Variants in RALGPS1 observed in about 807,000 individuals in gnomAD.
RALGPS1 encodes ras-specific guanine nucleotide-releasing factor RalGPS1.
RALGPS1 carries 19 observed loss-of-function variants against 78.8 expected under a neutral mutation model. That is an observed-to-expected ratio of 0.24 (90% CI 0.17 to 0.35). The LOEUF is 0.35. Among genes scored for constraint, RALGPS1 ranks in the 10% least tolerant of loss-of-function variants. RALGPS1 has a pLI of 1.00. For synonymous variants in RALGPS1, 228 were observed against 256.3 expected, an observed-to-expected ratio of 0.89 and a Z score of 1.06; for missense variants, 454 against 688.3, an observed-to-expected ratio of 0.66 and a Z score of 3.81.
chr9:127,010,610 A>G (rs534188925), intron 4 of RALGPS1, among the ~76,000 whole-genome samples: 3 of 152,270 alleles, frequency 2.0e-5, no homozygotes, highest in African/African-American at 7.2e-5. Flanking sequence ...TGAGAGCCCT[A>G]TCTGCTTTGA....
intron 1 of RALGPS1, among the ~76,000 whole-genome samples, chr9:126,956,354 C>G (rs1040354167): frequency 6.6e-6 from 1 of 152,170 alleles, no homozygotes; most frequent in African/African-American, 2.4e-5. Context: ...GGGGGTTTCT[C>G]TGAGCCTTGA....
intron 3 of RALGPS1, among the ~76,000 whole-genome samples, chr9:126,972,432 GAAAAGAAAT>G (rs1400933303): frequency 6.6e-6 from 1 of 152,154 alleles, no homozygotes; most frequent in African/African-American, 2.4e-5. Flanking sequence ...TTAAGAAAAG[GAAAAGAAAT>G]GAAAGAATTG....
chr9:127,210,293 G>T (rs1334837794), intron 14 of RALGPS1, among the ~76,000 whole-genome samples: 1 of 152,358 alleles, frequency 6.6e-6, no homozygotes, highest in East Asian at 1.9e-4. Flanking sequence ...AACATGCAAG[G>T]TTGCCCACAA....
intron 1 of RALGPS1, among the ~76,000 whole-genome samples, chr9:126,943,792 CCTT>C (rs1226347408): frequency 6.6e-6 from 1 of 152,208 alleles, no homozygotes; most frequent in Non-Finnish European, 1.5e-5. Context: ...TAGACAGCTT[CCTT>C]CTTGTTTTAA....
At chr9:127,133,738 C>CT (rs2057183264) in intron 8 of RALGPS1, among the ~76,000 whole-genome samples, 1 of 152,200 alleles carries the variant, frequency 6.6e-6, no homozygotes, top group Non-Finnish European at 1.5e-5. Context: ...CTCCTGGTTT[C>CT]TATGTGTGCA....
chr9:126,965,019 C>G (rs1564322125), intron 2 of RALGPS1, among the ~76,000 whole-genome samples: 1 of 152,142 alleles, frequency 6.6e-6, no homozygotes, highest in Non-Finnish European at 1.5e-5. Flanking sequence ...CTTGATTGAG[C>G]TTGATGAAGT....
chr9:127,216,974 G>C, intron 18 of RALGPS1: 2 of 1,544,616 alleles, frequency 1.3e-6, no homozygotes, highest in Non-Finnish European at 1.7e-6. Flanking sequence ...AGGGCGGTGC[G>C]GGGAAGGAGG....
At chr9:126,999,158 A>G (rs1356511041) in intron 4 of RALGPS1, among the ~76,000 whole-genome samples, 1 of 148,182 alleles carries the variant, frequency 6.7e-6, no homozygotes, top group African/African-American at 2.7e-5. Context: ...CCTAAAACTT[A>G]AAGTATAATA....
intron 8 of RALGPS1, chr9:127,088,614 T>C (rs2136312077): frequency 2.6e-6 from 1 of 381,984 alleles, no homozygotes; most frequent in Non-Finnish European, 4.8e-6. Context: ...CAAGGGAGGC[T>C]CATACACATG....
intron 3 of RALGPS1, among the ~76,000 whole-genome samples, chr9:126,977,236 GAA>G (rs2040752219): frequency 6.6e-6 from 1 of 152,116 alleles, no homozygotes; most frequent in Non-Finnish European, 1.5e-5. Context: ...GACTTCAGAA[GAA>G]AAATATAATT....
chr9:126,939,567 A>G (rs1874778), intron 1 of RALGPS1, among the ~76,000 whole-genome samples: 26,484 of 152,262 alleles, frequency 0.17, 3,042 homozygotes, highest in East Asian at 0.44. Flanking sequence ...CCACAGCCAC[A>G]TGAGATGGGT....
chr9:127,063,530 A>T (rs2049398004), intron 7 of RALGPS1, among the ~76,000 whole-genome samples: 1 of 152,094 alleles, frequency 6.6e-6, no homozygotes, highest in Admixed American at 6.5e-5. Context: ...TTGATATTTT[A>T]TAAAAATTAG....
Position 127,025,002 on chromosome 9 carries a change from T to C in RALGPS1, c.217-9429T>C, listed in dbSNP as rs984519281. 5.9e-5 allele frequency among the ~76,000 whole-genome samples: 9 copies of C among 152,368 alleles called. 1 individual carries two copies. The South Asian group carries it at 1.4e-3, about 25-fold the overall frequency. Reference sequence around the variant, plus strand: ...TGATTGTGAAGAATGAGTGTTCTCATGTGGAGACCTTGTCTGTCAACCCCA... The same window carrying C: ...TGATTGTGAAGAATGAGTGTTCTCACGTGGAGACCTTGTCTGTCAACCCCA... On this transcript the variant is annotated intron_variant, in intron 4 of 18. Transcript: ENST00000259351.
chr9:126,977,809 C>G, intron 4 of RALGPS1, 64 bp downstream of exon 4: 1 of 1,228,626 alleles, frequency 8.1e-7, no homozygotes, highest in Non-Finnish European at 1.2e-6. Context: ...ATTTAGCCAG[C>G]CACTGTTAGA....
chr9:126,943,718 C>T lies in RALGPS1; in HGVS notation c.-65-18507C>T, dbSNP rs190196526. Reference sequence around the variant, plus strand: ...TTTACTCCTGAAGTCTTTCTCCTACCGCTGCCTGGACTGCTTTCACTGCCC... The same window carrying T: ...TTTACTCCTGAAGTCTTTCTCCTACTGCTGCCTGGACTGCTTTCACTGCCC... On this transcript the variant is annotated intron_variant, in intron 1 of 18. Coordinates refer to ENST00000259351, the MANE Select transcript of RALGPS1 (RefSeq NM_014636.3). Among the ~76,000 whole-genome samples, 693 of 152,198 alleles carry T rather than the reference C, an allele frequency of 4.6e-3. 5 individuals carry two copies. Among genetic ancestry groups the T allele is most frequent in the Non-Finnish European group, 6.3e-3 (427 of 68,020 alleles).
chr9:126,977,378 C>G (rs573648455), intron 3 of RALGPS1, among the ~76,000 whole-genome samples: 4 of 152,134 alleles, frequency 2.6e-5, no homozygotes, highest in African/African-American at 9.7e-5. Flanking sequence ...AATACAAATT[C>G]AAATAGTATG....
intron 8 of RALGPS1, among the ~76,000 whole-genome samples, chr9:127,118,213 G>A (rs1409727592): frequency 6.6e-6 from 1 of 152,166 alleles, no homozygotes. Context: ...TGTGGCTTGT[G>A]ATTGATGTGT....
intron 8 of RALGPS1, among the ~76,000 whole-genome samples, chr9:127,078,364 A>T (rs889107452): frequency 6.6e-6 from 1 of 152,120 alleles, no homozygotes; most frequent in Non-Finnish European, 1.5e-5. Context: ...AGGCCAGTGG[A>T]TGTTATTAAA....
chr9:126,924,400 G>C (rs912755776), intron 1 of RALGPS1, among the ~76,000 whole-genome samples: 1 of 152,144 alleles, frequency 6.6e-6, no homozygotes, highest in Non-Finnish European at 1.5e-5. Flanking sequence ...ATTTCAGGGG[G>C]TTCTTAAGGA....
Sources: allele counts gnomAD v4.1 joint callset (sites outside exome capture counted in the v4.1 genomes callset), GRCh38; gene constraint gnomAD v4.1.1; transcripts MANE v1.5; gene names NCBI Gene and HGNC (gene_info 2026-07-23, HGNC 2026-07-21).